Variants in PNISR observed in about 807,000 individuals in gnomAD.
PNISR encodes PNN interacting serine and arginine rich protein.
In PNISR, 20 loss-of-function variants were observed where a neutral mutation model predicts 93.4. The ratio of observed to expected loss-of-function variants is 0.21; its 90% confidence interval spans 0.15 to 0.31. The LOEUF (loss-of-function observed/expected upper bound fraction) is 0.31. PNISR is among the 10% of genes least tolerant of loss of function. The pLI is 1.00. For synonymous variants in PNISR, 305 were observed against 306.5 expected, an observed-to-expected ratio of 0.99 and a Z score of 0.05; for missense variants, 893 against 985.4, an observed-to-expected ratio of 0.91 and a Z score of 1.25.
At chr6:99,420,784 G>A (rs1778449572) in intron 1 of PNISR, among the ~76,000 whole-genome samples, 1 of 152,172 alleles carries the variant, frequency 6.6e-6, no homozygotes, top group East Asian at 1.9e-4. Context: ...CTGTTTGAAA[G>A]CTTTCATTTA....
chr6:99,400,921 C>G lies in PNISR; in HGVS notation c.2037G>C (p.Lys679Asn), dbSNP rs752816758. ...RSRSIDKDRKKKDKEREREQD... is the reference protein window; with the variant it reads ...RSRSIDKDRKNKDKEREREQD... ...GTTCACGTTCCCTTTCTTTGTCTTTCTTTTTCCTATCTTTATCTATACTTC... is the reference window on the plus strand; with the variant it reads ...GTTCACGTTCCCTTTCTTTGTCTTTGTTTTTCCTATCTTTATCTATACTTC... Residue 679 changes from lysine (K) to asparagine (N), a missense_variant, in exon 12 of 12, where the codon AAG becomes AAC. Coordinates refer to ENST00000369239, the MANE Select transcript of PNISR (RefSeq NM_032870.4). The G allele has an allele frequency of 2.5e-6, 4 of 1,575,384 alleles. No homozygotes were observed. The African/African-American group carries it at 5.4e-5, about 21-fold the overall frequency.
At chr6:99,420,445 T>A (rs992226828) in intron 1 of PNISR, among the ~76,000 whole-genome samples, 1 of 152,222 alleles carries the variant, frequency 6.6e-6, no homozygotes, top group Admixed American at 6.5e-5. Flanking sequence ...CAATGCTTGA[T>A]AAGGAGTTTC....
In PNISR at chr6:99,400,298, G is replaced by A; in HGVS notation, c.*242C>T. 1 of 1,056,734 alleles carries A rather than the reference G, an allele frequency of 9.5e-7. No homozygotes were observed. The highest frequency in any genetic ancestry group is 1.7e-5 in the African/African-American group (1 of 59,860). 65.5% of individuals were successfully genotyped at this position (1,056,734 alleles called of 1,614,324 possible). On this transcript the variant is annotated 3_prime_UTR_variant, in exon 12 of 12. Transcript: ENST00000369239. ...ATCATTCCTCAGCGTTTACGACGGGGAGGGGTTGTTGATCTGAAAAAAAAG... is the reference window on the plus strand; with the variant it reads ...ATCATTCCTCAGCGTTTACGACGGGAAGGGGTTGTTGATCTGAAAAAAAAG...
At chr6:99,402,792 C>G (rs1008068090) in intron 10 of PNISR, 82 bp from the exon 11 acceptor site, 14 of 1,054,398 alleles carry the variant, frequency 1.3e-5, no homozygotes, top group Middle Eastern at 4.4e-4. Flanking sequence ...GAAGAAAGTT[C>G]ATTTCTTTTT....
At chr6:99,411,468 C>T (rs9321537) in intron 4 of PNISR, among the ~76,000 whole-genome samples, 4,047 of 152,078 alleles carry the variant, frequency 0.027, 203 homozygotes, top group African/African-American at 0.093. Flanking sequence ...GGGATGCCCG[C>T]GGGAGTCATT....
rs573776194 is a variant in PNISR, at chr6:99,399,866, G to C, written c.*674C>G. ...AAAAACCATTTTCTTTGGGGGAGGT[G>C]AGAGAAGGTACCTTTAAAACCTGTT... On this transcript the variant is annotated 3_prime_UTR_variant, in exon 12 of 12. Transcript: ENST00000369239. 1 of 152,206 alleles carries C rather than the reference G, an allele frequency of 6.6e-6. No homozygotes were observed. Among genetic ancestry groups the C allele is most frequent in the South Asian group, 2.1e-4 (1 of 4,826 alleles). 9.4% of individuals were successfully genotyped at this position (152,206 alleles called of 1,614,324 possible). A position where few individuals can be genotyped will look rare whatever the true frequency, so the allele number is the denominator to read the frequency against.
chr6:99,400,571 C>T lies in PNISR; in HGVS notation c.2387G>A (p.Arg796His), dbSNP rs1160890459. 4.3e-6 allele frequency: 7 copies of T among 1,613,668 alleles called. No homozygotes were observed. Among genetic ancestry groups the T allele is most frequent in the African/African-American group, 4.0e-5 (3 of 74,878 alleles). Residue 796 changes from arginine to histidine, a missense_variant, in exon 12 of 12, where the codon CGC becomes CAC. Arg to His is a conservative substitution (Grantham distance 29, BLOSUM62 0). Coordinates refer to ENST00000369239, the MANE Select transcript of PNISR (RefSeq NM_032870.4). ...KSQRSGKKASRKHKSKSRSR is the reference protein window; with the variant it reads ...KSQRSGKKASHKHKSKSRSR ...TGATCGGGACTTAGACTTGTGTTTG[C>T]GGCTTGCCTTCTTACCAGACCTTTG...
At chr6:99,420,870 A>T (rs1487874767) in intron 1 of PNISR, among the ~76,000 whole-genome samples, 1 of 152,232 alleles carries the variant, frequency 6.6e-6, no homozygotes, top group Non-Finnish European at 1.5e-5. Context: ...GTCTTGGCTC[A>T]AACAAAAATC....
rs1230381611 is a variant in PNISR at position 99,400,202 on chromosome 6, T to C, written c.*338A>G. ...TGGTTTCACCTACACAGCCACAATG[T>C]GCCTCTATAATGAGACAAGCCCTTA... On this transcript the variant is annotated 3_prime_UTR_variant, in exon 12 of 12. Transcript: ENST00000369239. 9.5e-6 allele frequency: 3 copies of C among 315,018 alleles called. No individual in the cohort carries two copies. Among genetic ancestry groups the C allele is most frequent in the African/African-American group, 6.7e-5 (3 of 44,550 alleles). The allele number at this position is 315,018 out of a possible 1,614,324, so 19.5% of individuals were successfully genotyped here. A position where few individuals can be genotyped will look rare whatever the true frequency, so the allele number is the denominator to read the frequency against.
Position 99,401,009 on chromosome 6 carries a change from C to A in PNISR, c.1949G>T (p.Ser650Ile). ...ACCTTTATGCTTATGACTGTTCCCA[C>A]TAAGATTTCCACGTTGATCATCAAT... ...RKIDDQRGNL[S>I]GNSHKHKGEA... Residue 650 changes from serine (S) to isoleucine (I), a missense_variant, in exon 12 of 12, where the codon AGT becomes ATT. This residue lies in a region of PNISR where 866 missense variants were observed against 935.1 expected (regional missense o/e 0.93). Transcript: ENST00000369239. The A allele has an allele frequency of 6.2e-7, 1 of 1,613,778 alleles. No homozygotes were observed. Among genetic ancestry groups the A allele is most frequent in the Non-Finnish European group, 8.5e-7 (1 of 1,179,906 alleles).
chr6:99,420,544 C>T (rs1778421115), intron 1 of PNISR, among the ~76,000 whole-genome samples: 1 of 152,160 alleles, frequency 6.6e-6, no homozygotes, highest in African/African-American at 2.4e-5. Context: ...TCATCTTCAC[C>T]ATAGTATCTT....
In PNISR at chr6:99,406,166, A is replaced by G; in HGVS notation, c.867T>C (p.Asp289=). The change falls in exon 8 of 12, where the codon GAT becomes GAC. Residue 289 remains aspartate, a splice_region_variant and synonymous_variant. Coordinates refer to ENST00000369239, the MANE Select transcript of PNISR (RefSeq NM_032870.4). ...CAGTGTCTTCTTCTTCCTCATCACT[A>G]TCCTATAAAAAACAATAGTATGGTA... ...GPRLPQRSKF[D]SDEEEEDTEN... 1 of 1,603,890 alleles carries G rather than the reference A, an allele frequency of 6.2e-7. No homozygotes were observed. The highest frequency in any genetic ancestry group is 2.2e-5 in the East Asian group (1 of 44,740).
intron 8 of PNISR, 132 bp from the exon 9 acceptor site, chr6:99,404,834 AC>A: frequency 1.9e-5 from 11 of 565,940 alleles, no homozygotes; most frequent in Non-Finnish European, 3.5e-5. Context: ...GCTGGATCAT[AC>A]TGGCGTGATA....
Position 99,418,042 on chromosome 6 carries a change from T to C in PNISR, c.-111-1614A>G, listed in dbSNP as rs1004028969. ...ACTCCATTTTCTTTTCCAGAAGCAA[T>C]CTAAAACTTACAGAGGTTTCACTTT... On this transcript the variant is annotated intron_variant, in intron 1 of 11. Transcript: ENST00000369239. Among the ~76,000 whole-genome samples, 3 of 151,248 alleles carry C rather than the reference T, an allele frequency of 2.0e-5. No individual in the cohort carries two copies. The East Asian group carries it at 5.8e-4, about 29-fold the overall frequency.
At chr6:99,404,061 C>CT in intron 9 of PNISR, 179 bp from the exon 10 acceptor site, 1 of 553,256 alleles carries the variant, frequency 1.8e-6, no homozygotes, top group Non-Finnish European at 3.2e-6. Context: ...AATTATAACT[C>CT]TGATGTGAGC....
At chr6:99,404,091 G>T in intron 9 of PNISR, 1 of 528,560 alleles carries the variant, frequency 1.9e-6, no homozygotes, top group Non-Finnish European at 3.4e-6. Context: ...TTTATAATGA[G>T]AAAAAATGTT....
chr6:99,398,555 T>C lies in PNISR; in HGVS notation c.*1985A>G, dbSNP rs769659834. 6.6e-6 allele frequency: 1 copy of C among 152,130 alleles called. No individual in the cohort carries two copies. Among genetic ancestry groups the C allele is most frequent in the Non-Finnish European group, 1.5e-5 (1 of 67,968 alleles). The allele number at this position is 152,130 out of a possible 1,614,324, so 9.4% of individuals were successfully genotyped here. ...CTTTTAAAAAAACTACAGACTTAACTGATAAGCTTGCAAATTACGGCAGAG... is the reference window on the plus strand; with the variant it reads ...CTTTTAAAAAAACTACAGACTTAACCGATAAGCTTGCAAATTACGGCAGAG... On this transcript the variant is annotated 3_prime_UTR_variant, in exon 12 of 12. Transcript: ENST00000369239.
intron 1 of PNISR, 197 bp downstream of exon 1, chr6:99,425,018 A>G (rs982549488): frequency 8.2e-5 from 32 of 389,432 alleles, no homozygotes; most frequent in African/African-American, 6.2e-4. Context: ...TTTAACAAGG[A>G]CATTTCCTTT....
In PNISR at chr6:99,400,705, A is replaced by G. The variant is rs1483933830; in HGVS notation, c.2253T>C (p.His751=). 2 of 1,613,160 alleles carry G rather than the reference A, an allele frequency of 1.2e-6. No homozygotes were observed. The highest frequency in any genetic ancestry group is 2.7e-5 in the African/African-American group (2 of 74,800). ...TCCTTCCACTAGAATCAGAGCCTGA[A>G]TGTTTTTTACTATCTTTGGTAGTAC... ...KKSTTKDSKK[H]SGSDSSGRSS... is the part of the protein sequence containing the mutation. The change falls in exon 12 of 12, where the codon CAT becomes CAC. Residue 751 remains histidine, a synonymous_variant. Transcript: ENST00000369239.
Sources: allele counts gnomAD v4.1 joint callset (sites outside exome capture counted in the v4.1 genomes callset), GRCh38; gene constraint gnomAD v4.1.1; regional missense constraint gnomAD v4.1.1; transcripts MANE v1.5; gene names NCBI Gene and HGNC (gene_info 2026-07-23, HGNC 2026-07-21).